The following VIT variants were observed in gnomAD, a reference collection of about 807,000 sequenced individuals.
VIT encodes vitrin.
VIT carries 99 observed loss-of-function variants against 78.0 expected under a neutral mutation model. The observed-to-expected ratio is 1.27, with a 90% CI of 1.08 to 1.50. VIT has a LOEUF of 1.50. Among genes scored for constraint, VIT ranks in the 40% most tolerant of loss-of-function variants. The pLI is 0.00. For missense variants in VIT, 1,126 were observed against 875.3 expected (o/e 1.29, Z -3.61); for synonymous variants, 374 against 334.3 (o/e 1.12, Z -1.29).
intron 13 of VIT, 109 bp from the exon 14 acceptor site, chr2:36,805,328 CT>C: frequency 8.6e-6 from 4 of 466,390 alleles, no homozygotes; most frequent in South Asian, 5.3e-5. Context: ...AAAAAAAAAA[CT>C]AGGGAGGGAA....
Position 36,743,813 on chromosome 2 carries a change from T to C in VIT, c.275+557T>C, listed in dbSNP as rs951096352. On this transcript the variant is annotated intron_variant, in intron 4 of 15. Coordinates refer to ENST00000379242, the MANE Select transcript of VIT (RefSeq NM_053276.4). ...CATTGCTCTTTTTTAATTTTTTTTT[T>C]CAACTCTTATTTTAGATTCCAGGAG... is the stretch of plus-strand genomic sequence containing the variant. Among the ~76,000 whole-genome samples, 6 of 152,202 alleles carry C rather than the reference T, an allele frequency of 3.9e-5. 1 individual carries two copies. Among genetic ancestry groups the C allele is most frequent in the Non-Finnish European group, 5.9e-5 (4 of 68,034 alleles).
At chr2:36,739,176 TA>T (rs984646194) in intron 3 of VIT, among the ~76,000 whole-genome samples, 3 of 152,102 alleles carry the variant, frequency 2.0e-5, no homozygotes, top group African/African-American at 7.2e-5. Flanking sequence ...TCTTCTTCAT[TA>T]AAAAAATAAA....
At position 36,814,637 on chromosome 2, in the gene VIT, G is replaced by A. The variant is rs1056410641; in HGVS notation, c.*276G>A. On this transcript the variant is annotated 3_prime_UTR_variant, in exon 16 of 16. Transcript: ENST00000379242. ...ACAATTGTTTTCAAAATAAATGTTC[G>A]GAATACAGTGCAGCCCTTACGACAG... 10 of 403,916 alleles carry A rather than the reference G, an allele frequency of 2.5e-5. No individual in the cohort carries two copies. The highest frequency in any genetic ancestry group is 1.2e-4 in the African/African-American group (6 of 50,114). The allele number at this position is 403,916 out of a possible 1,614,324, so 25.0% of individuals were successfully genotyped here.
At chr2:36,757,615 G>A (rs1020523627) in intron 5 of VIT, among the ~76,000 whole-genome samples, 1 of 152,214 alleles carries the variant, frequency 6.6e-6, no homozygotes, top group Non-Finnish European at 1.5e-5. Flanking sequence ...ATTGGTGGAG[G>A]ACTTGGAAAT....
At chr2:36,726,203 ATT>A (rs921037125) in intron 2 of VIT, among the ~76,000 whole-genome samples, 2 of 152,194 alleles carry the variant, frequency 1.3e-5, no homozygotes, top group Non-Finnish European at 2.9e-5. Flanking sequence ...AGATTACACT[ATT>A]TATATTAAAT....
chr2:36,722,460 A>T (rs1216668610), intron 2 of VIT, among the ~76,000 whole-genome samples: 1 of 152,252 alleles, frequency 6.6e-6, no homozygotes, highest in East Asian at 1.9e-4. Flanking sequence ...GTGATTGTAG[A>T]GAATAAGCTG....
intron 3 of VIT, among the ~76,000 whole-genome samples, chr2:36,736,940 A>G (rs1667543282): frequency 6.6e-6 from 1 of 152,224 alleles, no homozygotes; most frequent in Non-Finnish European, 1.5e-5. Flanking sequence ...TTTACCACGT[A>G]TTACTCTAAG....
chr2:36,809,954 A>T (rs1667029829), intron 15 of VIT, among the ~76,000 whole-genome samples: 1 of 141,504 alleles, frequency 7.1e-6, no homozygotes, highest in African/African-American at 2.7e-5. Context: ...TTGCACCACC[A>T]CACTCCAGCC....
intron 1 of VIT, among the ~76,000 whole-genome samples, chr2:36,702,085 G>A (rs1665095097): frequency 6.6e-6 from 1 of 152,200 alleles, no homozygotes; most frequent in Admixed American, 6.5e-5. Flanking sequence ...TGCATTGCAT[G>A]ATTTAGTGAA....
chr2:36,765,278 A>G (rs897188439), intron 6 of VIT, among the ~76,000 whole-genome samples: 11 of 152,124 alleles, frequency 7.2e-5, no homozygotes, highest in African/African-American at 2.4e-4. Flanking sequence ...CACTGCTATA[A>G]AGACACTACC....
intron 12 of VIT, among the ~76,000 whole-genome samples, chr2:36,798,293 G>C (rs977586508): frequency 6.6e-6 from 1 of 152,166 alleles, no homozygotes; most frequent in African/African-American, 2.4e-5. Flanking sequence ...GGGATTCTTA[G>C]GGGCAGCCAG....
intron 1 of VIT, among the ~76,000 whole-genome samples, chr2:36,704,789 G>C (rs543851785): frequency 1.9e-4 from 29 of 152,248 alleles, no homozygotes; most frequent in African/African-American, 7.0e-4. Context: ...TCATCTGAGA[G>C]GAGCCCATTC....
At chr2:36,698,569 A>T (rs1053213854) in intron 1 of VIT, among the ~76,000 whole-genome samples, 2 of 151,956 alleles carry the variant, frequency 1.3e-5, no homozygotes, top group Non-Finnish European at 1.5e-5. Flanking sequence ...ATGCCTGTAC[A>T]CCCTCCCTCC....
chr2:36,813,750 T>C (rs1395606359), intron 15 of VIT, among the ~76,000 whole-genome samples: 1 of 152,218 alleles, frequency 6.6e-6, no homozygotes, highest in Non-Finnish European at 1.5e-5. Context: ...TCTCAGATTT[T>C]GCTTGGCTCT....
At chr2:36,719,405 A>C (rs139214430) in intron 2 of VIT, among the ~76,000 whole-genome samples, 6 of 152,352 alleles carry the variant, frequency 3.9e-5, no homozygotes, top group African/African-American at 1.4e-4. Context: ...TCCTCTGCAG[A>C]TAACATGATA....
chr2:36,770,880 G>T (rs1253239218), intron 7 of VIT, among the ~76,000 whole-genome samples: 1 of 152,224 alleles, frequency 6.6e-6, no homozygotes, highest in East Asian at 1.9e-4. Context: ...AGGGAGGGGA[G>T]AAGAGCGCCG....
chr2:36,808,512 A>G lies in VIT; in HGVS notation c.1430A>G (p.Gln477Arg), dbSNP rs1258063732. The G allele has an allele frequency of 1.2e-5, 19 of 1,613,114 alleles. No homozygotes were observed. Among genetic ancestry groups the G allele is most frequent in the Non-Finnish European group, 1.5e-5 (18 of 1,179,330 alleles). ...RTNGFYSLHV[Q>R]SWFGLHKTLQ... The stretch of plus-strand genomic sequence containing the variant: ...AACGGCTTCTACTCGCTCCACGTGC[A>G]GAGCTGGTTTGGCCTCCACAAGACC... The change falls in exon 15 of 16, where the codon CAG (glutamine) becomes CGG (arginine). Residue 477 changes from glutamine to arginine, a missense_variant. Transcript: ENST00000379242.
At chr2:36,699,881 CT>C in intron 1 of VIT, among the ~76,000 whole-genome samples, 1 of 149,926 alleles carries the variant, frequency 6.7e-6, no homozygotes, top group Non-Finnish European at 1.5e-5. Flanking sequence ...AAAGCTGTTA[CT>C]TTTTCAATGT....
chr2:36,717,025 C>T (rs894525154), intron 2 of VIT, among the ~76,000 whole-genome samples: 38 of 151,332 alleles, frequency 2.5e-4, no homozygotes, highest in African/African-American at 8.7e-4. Context: ...TACAGGTGCA[C>T]GCCACCATGC....
Sources: allele counts gnomAD v4.1 joint callset (sites outside exome capture counted in the v4.1 genomes callset), GRCh38; gene constraint gnomAD v4.1.1; transcripts MANE v1.5; gene names NCBI Gene and HGNC (gene_info 2026-07-23, HGNC 2026-07-21).